MYLK: variants seen among roughly 807,000 people sequenced by gnomAD.
MYLK encodes the protein myosin light chain kinase.
A neutral mutation model predicts 203.4 loss-of-function variants in MYLK; 106 were observed. The observed-to-expected ratio is 0.52, with a 90% confidence interval of 0.45 to 0.61. The LOEUF is 0.61. MYLK is among the 20% of genes least tolerant of loss of function. MYLK has a pLI of 0.00. For synonymous variants in MYLK, 867 were observed against 959.5 expected (o/e 0.90, Z 1.78); for missense variants, 2,072 against 2,442.3 (o/e 0.85, Z 3.20).
intron 13 of MYLK, among the ~76,000 whole-genome samples, chr3:123,714,075 C>G (rs1278219917): frequency 6.6e-6 from 1 of 152,170 alleles, no homozygotes; most frequent in African/African-American, 2.4e-5. Flanking sequence ...TTTCATGTAA[C>G]GATGATTCCT....
In MYLK at chr3:123,610,311, C is replaced by T. The variant is rs1303161640; in HGVS notation, c.*3794G>A. On this transcript the variant is annotated 3_prime_UTR_variant, in exon 34 of 34. Coordinates refer to ENST00000360304, the MANE Select transcript of MYLK (RefSeq NM_053025.4). ...CACACATCCAGAACATGGTGATAAG[C>T]CTGTATCAGGATAGTCTAGGTTATG... The T allele has an allele frequency of 6.6e-6, 1 of 152,088 alleles. No individual in the cohort carries two copies. The highest frequency in any genetic ancestry group is 2.4e-5 in the African/African-American group (1 of 41,402). 9.4% of individuals were successfully genotyped at this position (152,088 alleles called of 1,614,324 possible).
chr3:123,841,037 T>C (rs2066579689), intron 2 of MYLK, among the ~76,000 whole-genome samples: 2 of 152,152 alleles, frequency 1.3e-5, no homozygotes, highest in African/African-American at 2.4e-5. Context: ...AATGAAATTA[T>C]ATTCATGATA....
At chr3:123,750,527 TC>T (rs2063160744) in intron 5 of MYLK, among the ~76,000 whole-genome samples, 1 of 152,158 alleles carries the variant, frequency 6.6e-6, no homozygotes. Context: ...ACTCCAGTCT[TC>T]CCTTAATGTG....
chr3:123,629,693 C>A lies in MYLK; in HGVS notation c.4962-67G>T. On this transcript the variant is annotated intron_variant, in intron 29 of 33. Coordinates refer to ENST00000360304, the MANE Select transcript of MYLK (RefSeq NM_053025.4). This position sits in a 1 kb window ranked among gnomAD's most constrained non-coding sequence, Gnocchi z 4.4. ...GGCGCGACGACCAGGTGAGTGGTAACTGAGGTCAAAGGCGAGGGTCGGCCA... is the reference window on the plus strand; with the variant it reads ...GGCGCGACGACCAGGTGAGTGGTAAATGAGGTCAAAGGCGAGGGTCGGCCA... The A allele has an allele frequency of 1.3e-6, 2 of 1,589,024 alleles. No individual in the cohort carries two copies. The highest frequency in any genetic ancestry group is 1.7e-6 in the Non-Finnish European group (2 of 1,159,518).
intron 22 of MYLK, 46 bp downstream of exon 22, chr3:123,666,173 G>C (rs774115651): frequency 6.2e-7 from 1 of 1,614,054 alleles, no homozygotes; most frequent in Non-Finnish European, 8.5e-7. Context: ...AAGGCTGTAC[G>C]GATTATTCCC....
intron 5 of MYLK, among the ~76,000 whole-genome samples, chr3:123,747,624 A>G (rs1320500129): frequency 6.6e-6 from 1 of 152,176 alleles, no homozygotes; most frequent in Non-Finnish European, 1.5e-5. Context: ...GGCGGCTGGA[A>G]ATGCAGACTC....
intron 3 of MYLK, among the ~76,000 whole-genome samples, chr3:123,798,912 A>T (rs1040179754): frequency 1.3e-5 from 2 of 152,206 alleles, no homozygotes; most frequent in Non-Finnish European, 2.9e-5. Context: ...AGTAAATTAG[A>T]CCAAACCTCG....
At chr3:123,794,667 G>A (rs1264979844) in intron 3 of MYLK, among the ~76,000 whole-genome samples, 1 of 152,202 alleles carries the variant, frequency 6.6e-6, no homozygotes, top group Non-Finnish European at 1.5e-5. Flanking sequence ...GGGCTGGCAA[G>A]GGTAGCAGAA....
At chr3:123,633,396 G>A (rs1182844234) in intron 29 of MYLK, among the ~76,000 whole-genome samples, 1 of 152,134 alleles carries the variant, frequency 6.6e-6, no homozygotes, top group African/African-American at 2.4e-5. Context: ...CAAAGGGCTG[G>A]GAGTATAAGC....
chr3:123,835,104 T>C (rs2066442165), intron 2 of MYLK, among the ~76,000 whole-genome samples: 1 of 152,234 alleles, frequency 6.6e-6, no homozygotes. Flanking sequence ...TATTTTAGGA[T>C]AGAGCAGTGT....
chr3:123,781,155 C>T (rs1290468211), intron 4 of MYLK, among the ~76,000 whole-genome samples: 2 of 152,212 alleles, frequency 1.3e-5, no homozygotes, highest in African/African-American at 2.4e-5. Flanking sequence ...AGCCCCACAT[C>T]GTGGAGAAAG....
chr3:123,769,020 G>A (rs1238532754), intron 4 of MYLK, among the ~76,000 whole-genome samples: 1 of 152,120 alleles, frequency 6.6e-6, no homozygotes, highest in Non-Finnish European at 1.5e-5. Context: ...TATCTACAGT[G>A]GTCACATTTT....
At chr3:123,704,867 C>T (rs1374438731) in intron 16 of MYLK, among the ~76,000 whole-genome samples, 1 of 151,970 alleles carries the variant, frequency 6.6e-6, no homozygotes, top group Admixed American at 6.6e-5. Flanking sequence ...TTGCAGTGAG[C>T]CAAGATCGTG....
intron 5 of MYLK, among the ~76,000 whole-genome samples, chr3:123,749,235 C>T (rs1352331274): frequency 6.6e-6 from 1 of 151,298 alleles, no homozygotes; most frequent in African/African-American, 2.4e-5. Context: ...GCTGTGATTA[C>T]ACCACTGCAC....
In MYLK at chr3:123,737,451, G is replaced by T. The variant is rs768879568; in HGVS notation, c.681C>A (p.Asp227Glu). 6.2e-7 allele frequency: 1 copy of T among 1,614,062 alleles called. No individual in the cohort carries two copies. The highest frequency in any genetic ancestry group is 8.5e-7 in the Non-Finnish European group (1 of 1,180,046). Reference protein sequence around the residue: ...VLEIHGVNQDDVGVYTCLVVN... With the variant: ...VLEIHGVNQDEVGVYTCLVVN... Reference sequence around the variant, plus strand: ...CCACCAGGCACGTGTACACTCCCACGTCATCTTGGTTGACTCCATGGATTT... The same window carrying T: ...CCACCAGGCACGTGTACACTCCCACTTCATCTTGGTTGACTCCATGGATTT... Residue 227 changes from aspartate (D) to glutamate (E), a missense_variant, in exon 8 of 34, where the codon GAC (aspartate) becomes GAA (glutamate). This residue lies in a region of MYLK where 683 missense variants were observed against 643.8 expected (regional missense o/e 1.06). Transcript: ENST00000360304.
At position 123,692,454 on chromosome 3, in the gene MYLK, C is replaced by G. The variant is rs993044914; in HGVS notation, c.3565+281G>C. The G allele has an allele frequency of 1.2e-5, 15 of 1,212,826 alleles. No homozygotes were observed. The African/African-American group carries it at 2.3e-4, about 19-fold the overall frequency. The allele number at this position is 1,212,826 out of a possible 1,614,324, so 75.1% of individuals were successfully genotyped here. A position where few individuals can be genotyped will look rare whatever the true frequency, so the allele number is the denominator to read the frequency against. ...TCTACTGCCCAGTGCCCCAGCTTCC[C>G]AGCTCAGAAGGTTCTGGGTGTGGGG... On this transcript the variant is annotated intron_variant, in intron 19 of 33. Transcript: ENST00000360304.
chr3:123,769,740 G>GC (rs2063816218), intron 4 of MYLK, among the ~76,000 whole-genome samples: 1 of 152,180 alleles, frequency 6.6e-6, no homozygotes, highest in Non-Finnish European at 1.5e-5. Flanking sequence ...TGTGGAAAGA[G>GC]CTACAAAGCT....
intron 16 of MYLK, 121 bp from the exon 17 acceptor site, chr3:123,701,630 G>C: frequency 1.1e-6 from 1 of 907,320 alleles, no homozygotes; most frequent in South Asian, 1.4e-5. Flanking sequence ...GCTTGACTGA[G>C]ACATTCACCC....
At chr3:123,852,707 C>T (rs963253431) in intron 2 of MYLK, among the ~76,000 whole-genome samples, 2 of 152,012 alleles carry the variant, frequency 1.3e-5, no homozygotes, top group Non-Finnish European at 2.9e-5. Flanking sequence ...AAAGAAAAGA[C>T]CCTAGTGAAC....
Sources: gnomAD v4.1 joint callset for allele counts (sites outside exome capture counted in the v4.1 genomes callset) on GRCh38, gnomAD v4.1.1 for gene constraint, gnomAD v4.1.1 regional missense constraint, Gnocchi (gnomAD v3.1) non-coding constraint, MANE v1.5 for transcripts, NCBI Gene and HGNC (gene_info 2026-07-23, HGNC 2026-07-21) for gene names.